HIF3A: variants seen among roughly 807,000 people sequenced by gnomAD.
HIF3A encodes the protein hypoxia inducible factor 3 subunit alpha.
In HIF3A, 41 loss-of-function variants were observed where a neutral mutation model predicts 67.2. The observed-to-expected ratio is 0.61, with a 90% CI of 0.48 to 0.79. HIF3A has a LOEUF of 0.79. Among genes scored for constraint, HIF3A ranks in the 30% least tolerant of loss-of-function variants. HIF3A has a pLI of 0.00. For missense variants in HIF3A, 855 were observed against 898.0 expected, an observed-to-expected ratio of 0.95 and a Z score of 0.61; for synonymous variants, 356 against 374.8, an observed-to-expected ratio of 0.95 and a Z score of 0.58.
Position 46,309,319 on chromosome 19 carries a change from C to T in HIF3A, c.730C>T (p.Arg244Cys), listed in dbSNP as rs553104591. Residue 244 changes from arginine (R) to cysteine (C), a missense_variant, in exon 6 of 15, where the codon CGC becomes TGC. Around this residue, in one of 3 missense-constraint regions of HIF3A, gnomAD observed 638 missense variants for 660.5 expected, o/e 0.97. Transcript: ENST00000377670. The part of the protein sequence containing the change: ...PPLGRGAFLS[R>C]HSLDMKFTYC... ...ACTGGGCCGAGGGGCCTTCCTCAGCCGCCACAGCCTGGACATGAAGTTCAC... is the reference window on the plus strand; with the variant it reads ...ACTGGGCCGAGGGGCCTTCCTCAGCTGCCACAGCCTGGACATGAAGTTCAC... 25 of 1,612,930 alleles carry T rather than the reference C, an allele frequency of 1.5e-5. No individual in the cohort carries two copies. In the African/African-American group the frequency reaches 1.7e-4, roughly 11 times the overall value.
chr19:46,322,084 G>A, intron 10 of HIF3A, 118 bp downstream of exon 10: 2 of 1,024,768 alleles, frequency 2.0e-6, no homozygotes, highest in South Asian at 1.7e-5. Flanking sequence ...CTGTGTAGTG[G>A]GGAGGTTGGG....
intron 12 of HIF3A, 84 bp from the exon 13 acceptor site, chr19:46,331,072 A>G: frequency 2.0e-6 from 2 of 1,005,428 alleles, no homozygotes; most frequent in Non-Finnish European, 3.0e-6. Flanking sequence ...AGGGGAGTGA[A>G]TGAATGCTCA....
chr19:46,330,734 T>C (rs918404562), intron 12 of HIF3A, among the ~76,000 whole-genome samples: 7 of 141,946 alleles, frequency 4.9e-5, no homozygotes, highest in African/African-American at 1.9e-4. Context: ...GGATGGCAGA[T>C]GGATGGCAGA....
chr19:46,323,709 CG>C (rs1253530216), intron 10 of HIF3A, among the ~76,000 whole-genome samples: 1 of 152,146 alleles, frequency 6.6e-6, no homozygotes, highest in Non-Finnish European at 1.5e-5. Flanking sequence ...AATGGACTCA[CG>C]GTTCCACATG....
intron 11 of HIF3A, among the ~76,000 whole-genome samples, chr19:46,327,326 T>G (rs1176030571): frequency 1.3e-5 from 2 of 151,048 alleles, no homozygotes; most frequent in Non-Finnish European, 3.0e-5. Context: ...TTTTCTTTTT[T>G]TTTTTTTGAA....
chr19:46,300,990 G>C (rs565627721), intron 1 of HIF3A, among the ~76,000 whole-genome samples: 2 of 151,840 alleles, frequency 1.3e-5, no homozygotes, highest in African/African-American at 4.8e-5. Flanking sequence ...GTTCCCTGTC[G>C]GGCCCCCAGC....
intron 6 of HIF3A, chr19:46,310,486 C>T: frequency 2.7e-6 from 1 of 365,106 alleles, no homozygotes. Flanking sequence ...CCCTCTCTTC[C>T]TTCTGTCCTT....
intron 6 of HIF3A, among the ~76,000 whole-genome samples, chr19:46,310,363 C>A (rs1489431792): frequency 6.6e-6 from 1 of 152,114 alleles, no homozygotes; most frequent in Non-Finnish European, 1.5e-5. Context: ...CCATTGCACT[C>A]CAGCCTGGGC....
Position 46,329,256 on chromosome 19 carries a change from A to G in HIF3A, c.1490A>G (p.Asp497Gly). 6.2e-7 allele frequency: 1 copy of G among 1,613,002 alleles called. No individual in the cohort carries two copies. The highest frequency in any genetic ancestry group is 8.5e-7 in the Non-Finnish European group (1 of 1,179,750). The change falls in exon 12 of 15, where the codon GAT becomes GGT. Residue 497 changes from aspartate (D) to glycine (G), a missense_variant. This residue lies in a region of HIF3A where 18 missense variants were observed against 43.7 expected (regional missense o/e 0.41). Transcript: ENST00000377670. ...ATGCTGGCCCCCTACATCTCCATGG[A>G]TGATGACTTCCAGCTCAACGCCAGC... is the stretch of plus-strand genomic sequence containing the variant. ...LEMLAPYISM[D>G]DDFQLNASEQ... is the part of the protein sequence containing the mutation.
At chr19:46,312,712 G>GGTTGT (rs1555780980) in intron 8 of HIF3A, 59 bp downstream of exon 8, 3 of 1,432,712 alleles carry the variant, frequency 2.1e-6, no homozygotes, top group South Asian at 1.5e-5. Flanking sequence ...TGTGTGGACA[G>GGTTGT]GTGTGTGTGT....
At chr19:46,317,625 G>C (rs1414481492) in intron 8 of HIF3A, among the ~76,000 whole-genome samples, 2 of 151,858 alleles carry the variant, frequency 1.3e-5, no homozygotes, top group Admixed American at 1.3e-4. Flanking sequence ...ATCACTTCTG[G>C]AGACCCTCTT....
At chr19:46,337,483 G>A (rs1334375747) in intron 14 of HIF3A, among the ~76,000 whole-genome samples, 1 of 151,928 alleles carries the variant, frequency 6.6e-6, no homozygotes, top group Non-Finnish European at 1.5e-5. Context: ...TGCTCAGGCT[G>A]GTCTCAAACT....
chr19:46,306,077 GCAAA>G (rs1442688836), intron 3 of HIF3A, among the ~76,000 whole-genome samples: 1 of 152,008 alleles, frequency 6.6e-6, no homozygotes, highest in African/African-American at 2.4e-5. Flanking sequence ...AGACCCAGTC[GCAAA>G]CAAACAAACA....
At chr19:46,313,503 A>C (rs887696298) in intron 8 of HIF3A, 4 of 156,304 alleles carry the variant, frequency 2.6e-5, no homozygotes, top group African/African-American at 9.7e-5. Context: ...AAAAAAAAAA[A>C]CCACACACAC....
chr19:46,313,371 C>A, intron 8 of HIF3A: 1 of 967,126 alleles, frequency 1.0e-6, no homozygotes, highest in Non-Finnish European at 1.2e-6. Flanking sequence ...CCTGTAAATC[C>A]CAGAACTTTG....
At chr19:46,307,703 G>A (rs1053593371) in intron 3 of HIF3A, among the ~76,000 whole-genome samples, 3 of 149,556 alleles carry the variant, frequency 2.0e-5, no homozygotes, top group Non-Finnish European at 3.0e-5. Context: ...AGCTGAGATC[G>A]CACCACTACA....
chr19:46,329,116 C>T, intron 11 of HIF3A, 91 bp from the exon 12 acceptor site: 1 of 1,250,144 alleles, frequency 8.0e-7, no homozygotes, highest in Non-Finnish European at 1.1e-6. Context: ...TGACCACAGG[C>T]ACAGAACTCA....
chr19:46,299,709 C>CAAAA (rs56080471), intron 1 of HIF3A, among the ~76,000 whole-genome samples: 4 of 111,578 alleles, frequency 3.6e-5, no homozygotes, highest in African/African-American at 1.1e-4. Context: ...GACCTTGTCG[C>CAAAA]AAAAAAAAAA....
intron 1 of HIF3A, 166 bp from the exon 2 acceptor site, chr19:46,303,732 G>A: frequency 1.3e-6 from 2 of 1,544,580 alleles, no homozygotes; most frequent in Non-Finnish European, 1.8e-6. Context: ...GCCCTTCCAG[G>A]CCCAGGGAGC....
Sources: allele counts gnomAD v4.1 joint callset (sites outside exome capture counted in the v4.1 genomes callset), GRCh38; gene constraint gnomAD v4.1.1; regional missense constraint gnomAD v4.1.1; transcripts MANE v1.5; gene names NCBI Gene and HGNC (gene_info 2026-07-23, HGNC 2026-07-21).